The following CACNA1B variants were observed in gnomAD, a reference collection of about 807,000 sequenced individuals.
CACNA1B encodes the protein voltage-dependent N-type calcium channel subunit alpha-1B.
A neutral mutation model predicts 247.2 loss-of-function variants in CACNA1B; 70 were observed. That is an observed-to-expected ratio of 0.28 (90% confidence interval 0.23 to 0.35). CACNA1B has a LOEUF of 0.35. CACNA1B is among the 10% of genes least tolerant of loss of function. The pLI is 1.00. For synonymous variants in CACNA1B, 1,231 were observed against 1,294.4 expected (o/e 0.95, Z 1.05); for missense variants, 2,367 against 3,197.4 (o/e 0.74, Z 6.26).
In CACNA1B at chr9:137,990,025, C is replaced by G. The variant is rs927980011; in HGVS notation, c.1974+3171C>G. 2.0e-5 allele frequency among the ~76,000 whole-genome samples: 3 copies of G among 152,160 alleles called. No individual in the cohort carries two copies. The highest frequency in any genetic ancestry group is 4.4e-5 in the Non-Finnish European group (3 of 68,028). On this transcript the variant is annotated intron_variant, in intron 15 of 46. Coordinates refer to ENST00000371372, the MANE Select transcript of CACNA1B (RefSeq NM_000718.4). This position sits in a 1 kb window ranked among gnomAD's most constrained non-coding sequence, Gnocchi z 4.5. The stretch of plus-strand genomic sequence containing the variant: ...ACATCATGAACTTTTGCTCCAAGAA[C>G]TACCACGGGAAGTTCTTGGAACTAC...
chr9:137,987,948 T>C (rs1229889132), intron 15 of CACNA1B, among the ~76,000 whole-genome samples: 1 of 152,232 alleles, frequency 6.6e-6, no homozygotes, highest in Non-Finnish European at 1.5e-5. Flanking sequence ...GCTGTTGTCA[T>C]CCCTTCTTCC....
intron 20 of CACNA1B, among the ~76,000 whole-genome samples, chr9:138,043,184 C>G (rs1444967842): frequency 6.6e-6 from 1 of 152,094 alleles, no homozygotes; most frequent in Admixed American, 6.5e-5. Flanking sequence ...GAGGATGGGC[C>G]CTCGGGGAAG....
intron 36 of CACNA1B, among the ~76,000 whole-genome samples, chr9:138,083,076 G>T (rs1960578219): frequency 6.6e-6 from 1 of 150,980 alleles, no homozygotes; most frequent in African/African-American, 2.5e-5. Flanking sequence ...AGTCCTCAAG[G>T]CACTAAGCCT....
intron 20 of CACNA1B, among the ~76,000 whole-genome samples, chr9:138,029,908 C>T (rs943948861): frequency 6.6e-6 from 1 of 152,124 alleles, no homozygotes; most frequent in Non-Finnish European, 1.5e-5. Flanking sequence ...AGCCACTGTG[C>T]CCAGCCCATT....
rs187822373 is a variant in CACNA1B at position 138,063,611 on chromosome 9, G to A, written c.4668+3874G>A. ...AAACTGCTTCTGACCCTGCTTAGCA[G>A]TGACTGCTGAAGAGTGTGCTCACCA... On this transcript the variant is annotated intron_variant, in intron 31 of 46. Transcript: ENST00000371372. Among the ~76,000 whole-genome samples the A allele has an allele frequency of 7.1e-4, 108 of 152,390 alleles. 1 individual carries two copies. The highest frequency in any genetic ancestry group is 1.0e-3 in the Non-Finnish European group (69 of 68,042).
At chr9:137,924,836 A>C (rs1040733698) in intron 6 of CACNA1B, among the ~76,000 whole-genome samples, 1 of 152,228 alleles carries the variant, frequency 6.6e-6, no homozygotes, top group African/African-American at 2.4e-5. Context: ...GTGTTCTAGT[A>C]CTAGAGTGTC....
At chr9:138,105,947 G>C (rs1961410121) in intron 39 of CACNA1B, 140 bp downstream of exon 39, 2 of 599,706 alleles carry the variant, frequency 3.3e-6, no homozygotes, top group Non-Finnish European at 6.0e-6. Context: ...AGCTGCACAG[G>C]ATACCCACCC....
intron 1 of CACNA1B, among the ~76,000 whole-genome samples, chr9:137,878,765 A>G (rs894391524): frequency 6.6e-6 from 1 of 151,816 alleles, no homozygotes; most frequent in East Asian, 2.0e-4. Context: ...GGGGCCCTGG[A>G]GTCGGGCGGA....
chr9:137,931,611 T>C (rs1407243016), intron 6 of CACNA1B, among the ~76,000 whole-genome samples: 1 of 152,044 alleles, frequency 6.6e-6, no homozygotes, highest in East Asian at 1.9e-4. Context: ...GAGGGACTGA[T>C]GGTTTTTTCT....
intron 24 of CACNA1B, chr9:138,049,957 A>C: frequency 1.6e-6 from 1 of 607,028 alleles, no homozygotes; most frequent in Non-Finnish European, 2.7e-6. Flanking sequence ...GAGACAAGGA[A>C]GACCCCTAGT....
intron 5 of CACNA1B, among the ~76,000 whole-genome samples, chr9:137,915,137 C>T (rs971276878): frequency 1.7e-4 from 26 of 152,196 alleles, no homozygotes; most frequent in African/African-American, 5.3e-4. Flanking sequence ...AGATTGGAGC[C>T]GTGTGGCCAC....
chr9:138,022,353 C>T (rs1958855356), intron 18 of CACNA1B, among the ~76,000 whole-genome samples: 1 of 152,162 alleles, frequency 6.6e-6, no homozygotes, highest in Non-Finnish European at 1.5e-5. Context: ...GGCTGACCAC[C>T]TCGGGGACTG....
In CACNA1B at chr9:137,914,939, G is replaced by A. The variant is rs1336170258; in HGVS notation, c.775+133G>A. On this transcript the variant is annotated intron_variant, in intron 5 of 46. Transcript: ENST00000371372. This position sits in a 1 kb window ranked among gnomAD's most constrained non-coding sequence, Gnocchi z 4.3. ...TGAGGTGGAGCTGACATTCTAGTGG[G>A]GGACATAGACGATAGCCTGATAAAC... 4.3e-5 allele frequency: 37 copies of A among 865,782 alleles called. No homozygotes were observed. The highest frequency in any genetic ancestry group is 5.9e-5 in the Non-Finnish European group (34 of 577,052). The allele number at this position is 865,782 out of a possible 1,614,324, so 53.6% of individuals were successfully genotyped here. A position where few individuals can be genotyped will look rare whatever the true frequency, so the allele number is the denominator to read the frequency against.
rs180938232 is a variant in CACNA1B at position 138,077,507 on chromosome 9, A to G, written c.4950-607A>G. On this transcript the variant is annotated intron_variant, in intron 35 of 46. Transcript: ENST00000371372. ...TTTTGGCATTTCTGATGAGCGAGGCAAGTCATCGGAGGGTTTTGAGAGGAG... is the reference window on the plus strand; with the variant it reads ...TTTTGGCATTTCTGATGAGCGAGGCGAGTCATCGGAGGGTTTTGAGAGGAG... 3.1e-3 allele frequency among the ~76,000 whole-genome samples: 466 copies of G among 152,242 alleles called. 2 individuals are homozygous for G. The highest frequency in any genetic ancestry group is 4.4e-3 in the Non-Finnish European group (302 of 68,026).
chr9:137,951,698 G>T (rs1046527090), intron 6 of CACNA1B, among the ~76,000 whole-genome samples: 1 of 152,244 alleles, frequency 6.6e-6, no homozygotes, highest in Non-Finnish European at 1.5e-5. Context: ...GGGAAAGAAG[G>T]TCCCTCTTTG....
At chr9:137,934,780 TAC>T in intron 6 of CACNA1B, among the ~76,000 whole-genome samples, 1 of 151,374 alleles carries the variant, frequency 6.6e-6, no homozygotes, top group African/African-American at 2.4e-5. Flanking sequence ...ATGGGGAGAG[TAC>T]TACCTACATC....
chr9:137,978,323 C>T (rs1304535869), intron 12 of CACNA1B, among the ~76,000 whole-genome samples: 1 of 122,792 alleles, frequency 8.1e-6, no homozygotes, highest in Non-Finnish European at 1.7e-5. Context: ...GATGGGAGCA[C>T]TTCCCCCCCC....
chr9:138,016,504 C>A (rs939885098), intron 18 of CACNA1B, among the ~76,000 whole-genome samples: 1 of 152,234 alleles, frequency 6.6e-6, no homozygotes, highest in African/African-American at 2.4e-5. Flanking sequence ...GCCTGGGTTG[C>A]AGCCTGGGGA....
At position 138,102,035 on chromosome 9, in the gene CACNA1B, C is replaced by T. The variant is rs1048187020; in HGVS notation, c.5223-676C>T. On this transcript the variant is annotated intron_variant, in intron 37 of 46. Transcript: ENST00000371372. This position sits in a 1 kb window ranked among gnomAD's most constrained non-coding sequence, Gnocchi z 5.4. ...AGCTCCTCCCCCCTCCCGCAGTCTC[C>T]CATTTCCCACCCAGCCCTGAGCCCC... 6.6e-6 allele frequency among the ~76,000 whole-genome samples: 1 copy of T among 152,188 alleles called. No homozygotes were observed. The highest frequency in any genetic ancestry group is 6.5e-5 in the Admixed American group (1 of 15,288).
Sources: allele counts gnomAD v4.1 joint callset (sites outside exome capture counted in the v4.1 genomes callset), GRCh38; gene constraint gnomAD v4.1.1; non-coding constraint Gnocchi (gnomAD v3.1); transcripts MANE v1.5; gene names NCBI Gene and HGNC (gene_info 2026-07-23, HGNC 2026-07-21).